The following MAST4 variants were observed in gnomAD, a reference collection of about 807,000 sequenced individuals.
The protein encoded by MAST4 is microtubule-associated serine/threonine-protein kinase 4.
Under a neutral mutation model 162.7 loss-of-function variants are expected in MAST4, and 89 were observed. That is an observed-to-expected ratio of 0.55 (90% CI 0.46 to 0.65). MAST4 has a LOEUF of 0.65. Among genes scored for constraint, MAST4 ranks in the 30% least tolerant of loss-of-function variants. The pLI is 0.00. For missense variants in MAST4, 3,153 were observed against 3,374.0 expected, an observed-to-expected ratio of 0.93 and a Z score of 1.62; for synonymous variants, 1,479 against 1,361.1, an observed-to-expected ratio of 1.09 and a Z score of -1.91.
intron 1 of MAST4, among the ~76,000 whole-genome samples, chr5:66,685,277 A>AAAACAAAAC (rs760255683): frequency 7.2e-5 from 4 of 55,648 alleles, no homozygotes; most frequent in Non-Finnish European, 1.7e-4. Flanking sequence ...AAAACAAAAC[A>AAAACAAAAC]AAACAAAACA....
intron 3 of MAST4, among the ~76,000 whole-genome samples, chr5:66,893,238 C>G (rs1251616023): frequency 6.6e-6 from 1 of 152,118 alleles, no homozygotes; most frequent in South Asian, 2.1e-4. Context: ...CAGAGTCTTG[C>G]TCTTTAGCCC....
chr5:67,077,943 C>A (rs74798012), intron 5 of MAST4, among the ~76,000 whole-genome samples: 5,498 of 151,970 alleles, frequency 0.036, 333 homozygotes, highest in African/African-American at 0.13. Context: ...CTACTAAATA[C>A]AACAAAATAG....
intron 3 of MAST4, among the ~76,000 whole-genome samples, chr5:66,854,235 A>G (rs1759515655): frequency 6.6e-6 from 1 of 152,178 alleles, no homozygotes; most frequent in South Asian, 2.1e-4. Context: ...ATGTGAAAGA[A>G]CAAGAATCAG....
intron 1 of MAST4, among the ~76,000 whole-genome samples, chr5:66,629,872 C>G (rs1207820803): frequency 6.6e-6 from 1 of 152,176 alleles, no homozygotes; most frequent in Non-Finnish European, 1.5e-5. Flanking sequence ...TGGTTAAGAT[C>G]AAGTGTAGGA....
At chr5:67,070,817 G>A (rs1760866916) in intron 5 of MAST4, among the ~76,000 whole-genome samples, 1 of 152,024 alleles carries the variant, frequency 6.6e-6, no homozygotes, top group Non-Finnish European at 1.5e-5. Flanking sequence ...TCACCTTCCT[G>A]GACTGCATAC....
intron 4 of MAST4, among the ~76,000 whole-genome samples, chr5:66,919,090 G>A (rs541908569): frequency 1.5e-4 from 17 of 115,332 alleles, no homozygotes; most frequent in Middle Eastern, 4.8e-3. Context: ...GTGACAGAGC[G>A]AGACTCTCAA....
At chr5:66,817,262 A>T (rs928363305) in intron 3 of MAST4, among the ~76,000 whole-genome samples, 1 of 152,218 alleles carries the variant, frequency 6.6e-6, no homozygotes, top group Admixed American at 6.5e-5. Flanking sequence ...TAATACAATG[A>T]TTTAAACAAA....
intron 1 of MAST4, among the ~76,000 whole-genome samples, chr5:66,690,569 A>G (rs139061744): frequency 6.1e-4 from 93 of 152,316 alleles, no homozygotes; most frequent in African/African-American, 2.0e-3. Flanking sequence ...GAATGACCCT[A>G]TGTTCCTTTC....
At chr5:66,687,107 G>A (rs1748709140) in intron 1 of MAST4, among the ~76,000 whole-genome samples, 1 of 151,944 alleles carries the variant, frequency 6.6e-6, no homozygotes, top group African/African-American at 2.4e-5. Flanking sequence ...AGATTCAGTG[G>A]GTATGTGCAG....
intron 2 of MAST4, among the ~76,000 whole-genome samples, chr5:66,781,589 G>A (rs912663220): frequency 6.6e-6 from 1 of 152,084 alleles, no homozygotes; most frequent in Non-Finnish European, 1.5e-5. Context: ...GCGATATCTG[G>A]GCCACTTCAG....
intron 4 of MAST4, among the ~76,000 whole-genome samples, chr5:66,952,768 T>C (rs1224066131): frequency 1.3e-5 from 2 of 152,206 alleles, no homozygotes; most frequent in African/African-American, 4.8e-5. Context: ...TGCAGCACTC[T>C]TTCCCCGACT....
At chr5:66,978,251 T>A (rs1581085257) in intron 4 of MAST4, among the ~76,000 whole-genome samples, 1 of 152,206 alleles carries the variant, frequency 6.6e-6, no homozygotes, top group Non-Finnish European at 1.5e-5. Context: ...TACAGTTTTT[T>A]AAGTACATCC....
At chr5:66,597,517 C>G (rs1742271811) in intron 1 of MAST4, among the ~76,000 whole-genome samples, 1 of 146,758 alleles carries the variant, frequency 6.8e-6, no homozygotes, top group Non-Finnish European at 1.5e-5. Context: ...GCGCCAGCCC[C>G]CTGGGATCGC....
intron 3 of MAST4, among the ~76,000 whole-genome samples, chr5:66,806,068 T>C (rs1290252654): frequency 2.0e-5 from 3 of 152,214 alleles, no homozygotes; most frequent in Non-Finnish European, 4.4e-5. Context: ...GAAACATTAA[T>C]GACTGCACCA....
At chr5:66,633,223 A>G (rs1227867818) in intron 1 of MAST4, among the ~76,000 whole-genome samples, 3 of 152,168 alleles carry the variant, frequency 2.0e-5, no homozygotes, top group Non-Finnish European at 4.4e-5. Flanking sequence ...TTTGAAGACA[A>G]TCTGGTCATG....
intron 4 of MAST4, among the ~76,000 whole-genome samples, chr5:67,039,071 G>A (rs1756398452): frequency 1.3e-5 from 2 of 152,166 alleles, no homozygotes; most frequent in South Asian, 4.1e-4. Context: ...CTATCGACAG[G>A]TTTTATTTTC....
At chr5:67,024,476 TAG>T (rs1175051462) in intron 4 of MAST4, among the ~76,000 whole-genome samples, 1 of 151,034 alleles carries the variant, frequency 6.6e-6, no homozygotes, top group Non-Finnish European at 1.5e-5. Flanking sequence ...TGTGTATATA[TAG>T]ATATATACAT....
chr5:66,667,496 A>T (rs1241514322), intron 1 of MAST4, among the ~76,000 whole-genome samples: 1 of 152,034 alleles, frequency 6.6e-6, no homozygotes, highest in African/African-American at 2.4e-5. Context: ...CATTTCTCTC[A>T]TCTTTTTATG....
At chr5:66,747,749 C>T (rs1215537733) in intron 1 of MAST4, among the ~76,000 whole-genome samples, 1 of 151,964 alleles carries the variant, frequency 6.6e-6, no homozygotes, top group African/African-American at 2.4e-5. Flanking sequence ...AATGGCATTG[C>T]TGATGCTTTG....
Sources: gnomAD v4.1 joint callset for allele counts (sites outside exome capture counted in the v4.1 genomes callset) on GRCh38, gnomAD v4.1.1 for gene constraint, MANE v1.5 for transcripts, NCBI Gene and HGNC (gene_info 2026-07-23, HGNC 2026-07-21) for gene names.